UGCG: variants seen among roughly 807,000 people sequenced by gnomAD.
The protein encoded by UGCG is ceramide glucosyltransferase.
UGCG carries 10 observed loss-of-function variants against 49.5 expected under a neutral mutation model. That is an observed-to-expected ratio of 0.20 (90% CI 0.12 to 0.34). UGCG has a LOEUF of 0.34. Ranked by LOEUF, UGCG falls within the 10% of genes least tolerant of loss-of-function variation. The pLI is 1.00. For synonymous variants in UGCG, 182 were observed against 158.2 expected (o/e 1.15, Z -1.13); for missense variants, 312 against 483.7 (o/e 0.65, Z 3.33).
intron 1 of UGCG, 70 bp downstream of exon 1, chr9:111,897,383 C>A: frequency 7.8e-7 from 1 of 1,290,098 alleles, no homozygotes; most frequent in Non-Finnish European, 1.1e-6. Flanking sequence ...GAATGGGAAA[C>A]GTTTGCGCTT....
intron 3 of UGCG, 65 bp downstream of exon 3, chr9:111,923,016 T>A: frequency 9.3e-7 from 1 of 1,076,232 alleles, no homozygotes. Flanking sequence ...AATCTCTGCA[T>A]TGAACTGAAG....
intron 1 of UGCG, 94 bp from the exon 2 acceptor site, chr9:111,914,511 C>T: frequency 1.6e-6 from 2 of 1,278,626 alleles, no homozygotes; most frequent in Non-Finnish European, 2.1e-6. Flanking sequence ...AAAATCTTAA[C>T]TTAGAATTTA....
At chr9:111,927,661 C>T (rs1838342959) in intron 5 of UGCG, among the ~76,000 whole-genome samples, 1 of 152,078 alleles carries the variant, frequency 6.6e-6, no homozygotes, top group Non-Finnish European at 1.5e-5. Context: ...CCGTGTTAGC[C>T]AGGATGGTCT....
intron 2 of UGCG, chr9:111,915,076 A>T (rs1465174365): frequency 1.6e-5 from 3 of 190,778 alleles, no homozygotes; most frequent in Non-Finnish European, 3.3e-5. Flanking sequence ...TAGGAAGAGG[A>T]GACAAGGAGA....
rs1255774256 is a variant in UGCG at position 111,905,836 on chromosome 9, G to GTATT, written c.98+8526_98+8529dup. On this transcript the variant is annotated intron_variant, in intron 1 of 8. Transcript: ENST00000374279. ...GAATGCTGTGCCTCAGAGAGCTTGT[G>GTATT]TATTTACCTTACGGTGGATGGCTTC... Among the ~76,000 whole-genome samples, 4 of 152,296 alleles carry GTATT rather than the reference G, an allele frequency of 2.6e-5. No homozygotes were observed. The East Asian group carries it at 7.7e-4, about 29-fold the overall frequency.
chr9:111,911,366 T>G (rs1159688939), intron 1 of UGCG, among the ~76,000 whole-genome samples: 1 of 152,184 alleles, frequency 6.6e-6, no homozygotes, highest in Non-Finnish European at 1.5e-5. Context: ...TTTACTACAC[T>G]TGTATTAAAA....
intron 6 of UGCG, among the ~76,000 whole-genome samples, chr9:111,930,821 T>A (rs1362469841): frequency 6.6e-6 from 1 of 152,216 alleles, no homozygotes; most frequent in Non-Finnish European, 1.5e-5. Flanking sequence ...TTCTTTTAAA[T>A]TTTTTAAAAA....
chr9:111,913,833 A>T (rs558509785), intron 1 of UGCG, among the ~76,000 whole-genome samples: 11 of 152,240 alleles, frequency 7.2e-5, no homozygotes, highest in Admixed American at 3.3e-4. Flanking sequence ...TCACTTATCT[A>T]TGAACTGGTG....
chr9:111,913,632 G>A (rs1280444890), intron 1 of UGCG, among the ~76,000 whole-genome samples: 3 of 145,356 alleles, frequency 2.1e-5, no homozygotes, highest in African/African-American at 7.7e-5. Flanking sequence ...TAGAGATGGA[G>A]TTTCAGTGTG....
rs1418218313 is a variant in UGCG at position 111,934,657 on chromosome 9, A to G, written c.*1660A>G. ...CCATGGTTTAAATGGCAACATATCT[A>G]TAAGTATGTATACACATTATATTTA... On this transcript the variant is annotated 3_prime_UTR_variant, in exon 9 of 9. Coordinates refer to ENST00000374279, the MANE Select transcript of UGCG (RefSeq NM_003358.3). 1.3e-5 allele frequency: 2 copies of G among 152,018 alleles called. No homozygotes were observed. The highest frequency in any genetic ancestry group is 1.9e-4 in the East Asian group (1 of 5,196). The allele number at this position is 152,018 out of a possible 1,614,324, so 9.4% of individuals were successfully genotyped here.
At chr9:111,919,123 T>C (rs555181250) in intron 2 of UGCG, among the ~76,000 whole-genome samples, 1 of 146,482 alleles carries the variant, frequency 6.8e-6, no homozygotes, top group African/African-American at 2.4e-5. Flanking sequence ...CTAAGATTAG[T>C]TTTTTATTGT....
At position 111,897,038 on chromosome 9, in the gene UGCG, C is replaced by CG. The variant is rs1472294249; in HGVS notation, c.-173dup. On this transcript the variant is annotated 5_prime_UTR_variant, in exon 1 of 9. Transcript: ENST00000374279. ...CAGCGCGCAGGCGAGAGCGCGCGGGCGGGGGCGCGCAGGCCCTGCCCGCCC... is the reference window on the plus strand; with the variant it reads ...CAGCGCGCAGGCGAGAGCGCGCGGGCGGGGGGCGCGCAGGCCCTGCCCGCCC... 1 of 363,924 alleles carries CG rather than the reference C, an allele frequency of 2.7e-6. No individual in the cohort carries two copies. Among genetic ancestry groups the CG allele is most frequent in the African/African-American group, 2.2e-5 (1 of 46,144 alleles). 22.5% of individuals were successfully genotyped at this position (363,924 alleles called of 1,614,324 possible). A position where few individuals can be genotyped will look rare whatever the true frequency, so the allele number is the denominator to read the frequency against.
intron 5 of UGCG, among the ~76,000 whole-genome samples, chr9:111,926,825 C>T (rs1838319548): frequency 7.1e-6 from 1 of 140,974 alleles, no homozygotes; most frequent in Non-Finnish European, 1.5e-5. Context: ...TTCAAACATT[C>T]GATCTGAAAA....
At chr9:111,911,945 TA>T (rs1838012457) in intron 1 of UGCG, among the ~76,000 whole-genome samples, 2 of 44,848 alleles carry the variant, frequency 4.5e-5, no homozygotes, top group Admixed American at 3.0e-4. Context: ...TATATATATA[TA>T]TATATATATA....
intron 5 of UGCG, among the ~76,000 whole-genome samples, chr9:111,928,691 C>T (rs1045959034): frequency 2.0e-5 from 3 of 152,178 alleles, no homozygotes; most frequent in African/African-American, 7.2e-5. Context: ...CCTTAGAATT[C>T]TCTTGCTCTG....
intron 5 of UGCG, among the ~76,000 whole-genome samples, chr9:111,928,041 T>C (rs1028199768): frequency 2.6e-5 from 4 of 151,052 alleles, no homozygotes; most frequent in Non-Finnish European, 5.9e-5. Context: ...TGTAATGTTA[T>C]AAGGACAGAT....
At chr9:111,924,436 T>G (rs1460690441) in intron 3 of UGCG, among the ~76,000 whole-genome samples, 1 of 152,208 alleles carries the variant, frequency 6.6e-6, no homozygotes, top group East Asian at 1.9e-4. Context: ...AAATCTACTC[T>G]TAGTCATTTT....
chr9:111,918,931 A>AC (rs1389449470), intron 2 of UGCG, among the ~76,000 whole-genome samples: 2 of 127,590 alleles, frequency 1.6e-5, no homozygotes, highest in Non-Finnish European at 3.2e-5. Flanking sequence ...TCTCAAAAAA[A>AC]AAAAACAAAA....
At chr9:111,921,193 C>G (rs545933324) in intron 2 of UGCG, among the ~76,000 whole-genome samples, 1 of 152,072 alleles carries the variant, frequency 6.6e-6, no homozygotes, top group Admixed American at 6.5e-5. Context: ...CATGAGCCAC[C>G]GTGCCTGGCT....
Sources: gnomAD v4.1 joint callset for allele counts (sites outside exome capture counted in the v4.1 genomes callset) on GRCh38, gnomAD v4.1.1 for gene constraint, MANE v1.5 for transcripts, NCBI Gene and HGNC (gene_info 2026-07-23, HGNC 2026-07-21) for gene names.